Variants in KHDRBS2 observed in about 807,000 individuals in gnomAD.
The protein encoded by KHDRBS2 is KH RNA binding domain containing, signal transduction associated 2, also known as KH domain-containing, RNA-binding, signal transduction-associated protein 2.
A neutral mutation model predicts 44.3 loss-of-function variants in KHDRBS2; 26 were observed. The observed-to-expected ratio is 0.59, with a 90% CI of 0.43 to 0.81. The LOEUF (loss-of-function observed/expected upper bound fraction) is 0.81, where lower values mean the gene tolerates loss of function less well. Ranked by LOEUF, KHDRBS2 falls within the 40% of genes least tolerant of loss-of-function variation. The pLI, the probability that KHDRBS2 is intolerant of heterozygous loss-of-function variation, is 0.00. For missense variants in KHDRBS2, 476 were observed against 433.1 expected (o/e 1.10, Z -0.88); for synonymous variants, 194 against 151.1 (o/e 1.28, Z -2.08).
chr6:62,216,413 T>A (rs1829983763), intron 1 of KHDRBS2, among the ~76,000 whole-genome samples: 1 of 151,836 alleles, frequency 6.6e-6, no homozygotes, highest in African/African-American at 2.4e-5. Context: ...ATATGTTTGT[T>A]TTAAACATGG....
intron 6 of KHDRBS2, among the ~76,000 whole-genome samples, chr6:61,745,660 T>C (rs1370445581): frequency 6.6e-6 from 1 of 152,078 alleles, no homozygotes; most frequent in Non-Finnish European, 1.5e-5. Context: ...TGTTTTTCAC[T>C]TCTAAGTACC....
At chr6:61,727,696 GA>G (rs1419195019) in intron 7 of KHDRBS2, among the ~76,000 whole-genome samples, 33 of 152,028 alleles carry the variant, frequency 2.2e-4, no homozygotes, top group African/African-American at 7.5e-4. Flanking sequence ...TAACATCACT[GA>G]TCATTAGAGA....
At chr6:62,228,162 T>C (rs176622) in intron 1 of KHDRBS2, among the ~76,000 whole-genome samples, 28,317 of 152,140 alleles carry the variant, frequency 0.19, 3,060 homozygotes, top group African/African-American at 0.31. Flanking sequence ...CAAGGCTTTA[T>C]TCGGTTGGTA....
rs75865833 is a variant in KHDRBS2, at chr6:61,810,590, G to GA, written c.811-77827dup. On this transcript the variant is annotated intron_variant, in intron 6 of 8. Transcript: ENST00000281156. The stretch of plus-strand genomic sequence containing the variant: ...ATTTAATAAAAATGTATATTAGAAT[G>GA]AAAAAAAATACTAATACTGCCATAC... Among the ~76,000 whole-genome samples, 365 of 151,444 alleles carry GA rather than the reference G, an allele frequency of 2.4e-3. 1 individual carries two copies. Among genetic ancestry groups the GA allele is most frequent in the Admixed American group, 4.0e-3 (61 of 15,206 alleles).
At position 61,964,220 on chromosome 6, in the gene KHDRBS2, A is replaced by C. The variant is rs528829359; in HGVS notation, c.483+13846T>G. 4.7e-4 allele frequency among the ~76,000 whole-genome samples: 72 copies of C among 152,206 alleles called. No homozygotes were observed. In the South Asian group the frequency reaches 0.015, roughly 31 times the overall value. On this transcript the variant is annotated intron_variant, in intron 4 of 8. Transcript: ENST00000281156. ...CTACAGAGGAGTAATGCTGCTTTTT[A>C]GGAGCCCACACATATATATGTTGTA...
At chr6:61,758,406 C>G (rs1274160793) in intron 6 of KHDRBS2, among the ~76,000 whole-genome samples, 4 of 151,852 alleles carry the variant, frequency 2.6e-5, no homozygotes, top group Non-Finnish European at 5.9e-5. Flanking sequence ...CTATCTTCCA[C>G]TAGATCATGA....
the KHDRBS2 span, among the ~76,000 whole-genome samples, chr6:61,578,337 A>T: frequency 1.3e-5 from 2 of 152,316 alleles, no homozygotes; most frequent in East Asian, 3.9e-4. Context: ...AAAACAGTAC[A>T]GTAGTCAAAA....
At chr6:61,986,493 G>A (rs1196606444) in intron 3 of KHDRBS2, among the ~76,000 whole-genome samples, 1 of 152,160 alleles carries the variant, frequency 6.6e-6, no homozygotes, top group Non-Finnish European at 1.5e-5. Context: ...TAATTTAAAT[G>A]TATAACTTTA....
intron 1 of KHDRBS2, among the ~76,000 whole-genome samples, chr6:62,247,882 C>G (rs764024314): frequency 2.2e-4 from 34 of 151,748 alleles, no homozygotes; most frequent in Non-Finnish European, 4.4e-4. Context: ...AGAATATCTC[C>G]ATTTTTTAAA....
chr6:61,796,935 C>CTGTATTT (rs1232926373), intron 6 of KHDRBS2, among the ~76,000 whole-genome samples: 2 of 151,994 alleles, frequency 1.3e-5, no homozygotes, highest in African/African-American at 4.8e-5. Flanking sequence ...ACTTGAATTT[C>CTGTATTT]CAAGTTATCT....
At chr6:61,940,357 T>A (rs1296361908) in intron 4 of KHDRBS2, among the ~76,000 whole-genome samples, 2 of 152,106 alleles carry the variant, frequency 1.3e-5, no homozygotes, top group South Asian at 4.1e-4. Flanking sequence ...TGGTCCATAT[T>A]CCCACCATGG....
chr6:61,955,627 C>T (rs113651380), intron 4 of KHDRBS2, among the ~76,000 whole-genome samples: 2 of 57,696 alleles, frequency 3.5e-5, no homozygotes, highest in Non-Finnish European at 5.6e-5. Flanking sequence ...TGTATGCATA[C>T]ATGTGTATAT....
At chr6:62,092,270 A>G (rs952667149) in intron 2 of KHDRBS2, among the ~76,000 whole-genome samples, 19 of 152,274 alleles carry the variant, frequency 1.2e-4, no homozygotes, top group African/African-American at 4.1e-4. Context: ...GGCATTTACC[A>G]GTCTACAGTA....
At chr6:62,266,744 C>T (rs562008565) in intron 1 of KHDRBS2, among the ~76,000 whole-genome samples, 2 of 152,000 alleles carry the variant, frequency 1.3e-5, no homozygotes, top group African/African-American at 4.8e-5. Flanking sequence ...CATATTTACC[C>T]TAACACACAA....
chr6:62,114,083 C>T (rs533748504), intron 2 of KHDRBS2, among the ~76,000 whole-genome samples: 1 of 152,148 alleles, frequency 6.6e-6, no homozygotes, highest in African/African-American at 2.4e-5. Context: ...CTCATGAGAT[C>T]TCACTCACTA....
chr6:61,903,686 C>T (rs529640971), intron 4 of KHDRBS2, among the ~76,000 whole-genome samples: 26 of 152,210 alleles, frequency 1.7e-4, no homozygotes, highest in African/African-American at 6.3e-4. Context: ...TGTGATTTGC[C>T]TTAGCTAAAA....
chr6:62,223,022 C>T (rs543594579), intron 1 of KHDRBS2, among the ~76,000 whole-genome samples: 138 of 152,344 alleles, frequency 9.1e-4, no homozygotes, highest in Middle Eastern at 3.4e-3. Flanking sequence ...CTTCTCACAG[C>T]TCCACTAGGT....
chr6:61,909,275 C>G (rs1805616650), intron 4 of KHDRBS2, among the ~76,000 whole-genome samples: 1 of 151,924 alleles, frequency 6.6e-6, no homozygotes, highest in African/African-American at 2.4e-5. Flanking sequence ...TGCCATGTTG[C>G]CCAGGCTGGT....
At chr6:61,659,732 T>TA in the KHDRBS2 span, among the ~76,000 whole-genome samples, 260 of 150,926 alleles carry the variant, frequency 1.7e-3, 1 homozygote, top group African/African-American at 5.4e-3. Flanking sequence ...TTGAGTGTAT[T>TA]AAAAAAAAAC....
Sources: gnomAD v4.1 joint callset for allele counts (sites outside exome capture counted in the v4.1 genomes callset) on GRCh38, gnomAD v4.1.1 for gene constraint, MANE v1.5 for transcripts, NCBI Gene and HGNC (gene_info 2026-07-23, HGNC 2026-07-21) for gene names.